PARVA: variants seen among roughly 807,000 people sequenced by gnomAD.
The protein encoded by PARVA is parvin alpha.
A neutral mutation model predicts 52.6 loss-of-function variants in PARVA; 25 were observed. The observed-to-expected ratio is 0.48, with a 90% confidence interval of 0.35 to 0.66. The LOEUF (loss-of-function observed/expected upper bound fraction) is 0.66, where lower values mean the gene tolerates loss of function less well. PARVA is among the 30% of genes least tolerant of loss of function. PARVA has a pLI of 0.01. For missense variants in PARVA, 373 were observed against 450.9 expected (o/e 0.83, Z 1.56); for synonymous variants, 185 against 179.1 (o/e 1.03, Z -0.26).
At chr11:12,478,068 A>T (rs767752264) in intron 4 of PARVA, 119 bp downstream of exon 4, 25 of 757,884 alleles carry the variant, frequency 3.3e-5, no homozygotes, top group Non-Finnish European at 5.6e-5. Context: ...TGGATTACAA[A>T]TGTGTGGAGC....
At chr11:12,500,856 C>G (rs1795449531) in intron 5 of PARVA, among the ~76,000 whole-genome samples, 2 of 151,888 alleles carry the variant, frequency 1.3e-5, no homozygotes, top group Admixed American at 1.3e-4. Context: ...CACCTGTAAT[C>G]CCAGCACTTT....
At chr11:12,518,671 T>C (rs1281582768) in intron 12 of PARVA, among the ~76,000 whole-genome samples, 154 bp downstream of exon 12, 2 of 152,200 alleles carry the variant, frequency 1.3e-5, no homozygotes, top group Non-Finnish European at 2.9e-5. Context: ...AGAGACCCTT[T>C]GTGAGCTGCC....
intron 6 of PARVA, among the ~76,000 whole-genome samples, chr11:12,505,381 C>CT (rs1941420786): frequency 6.6e-6 from 1 of 152,170 alleles, no homozygotes; most frequent in Non-Finnish European, 1.5e-5. Context: ...GACAAAAGGA[C>CT]TTTGAGTTGA....
intron 4 of PARVA, 181 bp downstream of exon 4, chr11:12,478,130 A>T: frequency 1.5e-6 from 1 of 687,938 alleles, no homozygotes; most frequent in South Asian, 1.5e-5. Context: ...AATGTTTCAT[A>T]TGAATGAATT....
chr11:12,498,133 A>T (rs1447935630), intron 5 of PARVA, among the ~76,000 whole-genome samples: 1 of 152,132 alleles, frequency 6.6e-6, no homozygotes, highest in Non-Finnish European at 1.5e-5. Flanking sequence ...TCCCAGGTTC[A>T]AGCGATTCTC....
At chr11:12,415,946 T>A (rs1002559561) in intron 1 of PARVA, among the ~76,000 whole-genome samples, 7 of 152,236 alleles carry the variant, frequency 4.6e-5, no homozygotes, top group African/African-American at 1.7e-4. Context: ...CTTCTCTACT[T>A]AGCTGTTGGC....
At position 12,377,580 on chromosome 11, in the gene PARVA, G is replaced by GCCGCCCGCTGCGT. The variant is rs1939411904; in HGVS notation, c.-61_-49dup. The GCCGCCCGCTGCGT allele has an allele frequency of 6.7e-7, 1 of 1,498,226 alleles. No homozygotes were observed. Among genetic ancestry groups the GCCGCCCGCTGCGT allele is most frequent in the East Asian group, 2.9e-5 (1 of 34,924 alleles). The allele number at this position is 1,498,226 out of a possible 1,614,324, so 92.8% of individuals were successfully genotyped here. A position where few individuals can be genotyped will look rare whatever the true frequency, so the allele number is the denominator to read the frequency against. On this transcript the variant is annotated 5_prime_UTR_variant, in exon 1 of 13. Coordinates refer to ENST00000334956, the MANE Select transcript of PARVA (RefSeq NM_018222.5). ...GGAAAGCCGCAGCCTCAGTCCCGCCGCCGCCCGCTGCGTCCGCCCAGCGCC... is the reference window on the plus strand; with the variant it reads ...GGAAAGCCGCAGCCTCAGTCCCGCCGCCGCCCGCTGCGTCCGCCCGCTGCGTCCGCCCAGCGCC...
intron 1 of PARVA, among the ~76,000 whole-genome samples, chr11:12,419,364 TATG>T (rs978874091): frequency 5.3e-5 from 8 of 151,996 alleles, no homozygotes; most frequent in Non-Finnish European, 1.2e-4. Context: ...AGTGGAATCG[TATG>T]ATATTTGCCT....
At position 12,471,191 on chromosome 11, in the gene PARVA, G is replaced by A. The variant is rs557028898; in HGVS notation, c.137-2554G>A. The stretch of plus-strand genomic sequence containing the variant: ...GTGCTGGTATGGTGGGTATGAGGGT[G>A]TTGAGAATCACAAGTTCTGTTTGGA... On this transcript the variant is annotated intron_variant, in intron 1 of 12. Coordinates refer to ENST00000334956, the MANE Select transcript of PARVA (RefSeq NM_018222.5). Among the ~76,000 whole-genome samples, 14 of 152,272 alleles carry A rather than the reference G, an allele frequency of 9.2e-5. No individual in the cohort carries two copies. The South Asian group carries it at 2.9e-3, about 32-fold the overall frequency.
upstream of PARVA, chr11:12,376,745 T>G: frequency 1.0e-6 from 1 of 983,822 alleles, no homozygotes; most frequent in Non-Finnish European, 1.2e-6. Flanking sequence ...GTAAGCTCAA[T>G]AACACGTGCC....
At chr11:12,387,458 T>C (rs1037372536) in intron 1 of PARVA, among the ~76,000 whole-genome samples, 2 of 152,176 alleles carry the variant, frequency 1.3e-5, no homozygotes, top group Admixed American at 6.5e-5. Context: ...GGGCATCTTA[T>C]TCCCATAGAG....
At chr11:12,488,043 C>A (rs1352507599) in intron 4 of PARVA, among the ~76,000 whole-genome samples, 5 of 152,052 alleles carry the variant, frequency 3.3e-5, no homozygotes. Flanking sequence ...CAGTAGATAT[C>A]AAATAACATT....
chr11:12,382,413 A>G (rs1440856448), intron 1 of PARVA, among the ~76,000 whole-genome samples: 4 of 148,934 alleles, frequency 2.7e-5, no homozygotes, highest in South Asian at 4.2e-4. Context: ...TCTAGGCTAC[A>G]TGGTTCATCT....
rs1941759320 is a variant in PARVA, at chr11:12,530,473, T to G, written c.*2548T>G. ...TTCTTTTCTGTTAATTTAAACTCAG[T>G]TATTTTTAATGCTTAATACATACAT... On this transcript the variant is annotated 3_prime_UTR_variant, in exon 13 of 13. Coordinates refer to ENST00000334956, the MANE Select transcript of PARVA (RefSeq NM_018222.5). 1 of 152,202 alleles carries G rather than the reference T, an allele frequency of 6.6e-6. No individual in the cohort carries two copies. Among genetic ancestry groups the G allele is most frequent in the African/African-American group, 2.4e-5 (1 of 41,448 alleles). The allele number at this position is 152,202 out of a possible 1,614,324, so 9.4% of individuals were successfully genotyped here.
intron 1 of PARVA, among the ~76,000 whole-genome samples, chr11:12,428,333 AAAGT>A (rs1291628482): frequency 1.3e-5 from 2 of 152,160 alleles, no homozygotes; most frequent in African/African-American, 4.8e-5. Context: ...GGAAGGAAGG[AAAGT>A]AAGAGGAAAG....
chr11:12,462,836 C>T (rs1308907836), intron 1 of PARVA, among the ~76,000 whole-genome samples: 3 of 152,112 alleles, frequency 2.0e-5, no homozygotes, highest in Non-Finnish European at 2.9e-5. Context: ...CTGTCTTCTC[C>T]TAAATTTTCT....
intron 1 of PARVA, among the ~76,000 whole-genome samples, chr11:12,440,948 TAC>T (rs1158237735): frequency 6.6e-6 from 1 of 152,248 alleles, no homozygotes; most frequent in Non-Finnish European, 1.5e-5. Context: ...TACCCATGAT[TAC>T]ATCTACATAA....
At chr11:12,482,853 G>A (rs1432704007) in intron 4 of PARVA, among the ~76,000 whole-genome samples, 2 of 152,178 alleles carry the variant, frequency 1.3e-5, no homozygotes, top group African/African-American at 2.4e-5. Flanking sequence ...CTTGACACAT[G>A]GGGATTATTA....
intron 1 of PARVA, among the ~76,000 whole-genome samples, chr11:12,472,927 G>C (rs1203781837): frequency 6.6e-6 from 1 of 152,158 alleles, no homozygotes; most frequent in Non-Finnish European, 1.5e-5. Context: ...TTTGTACTAA[G>C]GCTCCATGTG....
Sources: gnomAD v4.1 joint callset for allele counts (sites outside exome capture counted in the v4.1 genomes callset) on GRCh38, gnomAD v4.1.1 for gene constraint, MANE v1.5 for transcripts, NCBI Gene and HGNC (gene_info 2026-07-23, HGNC 2026-07-21) for gene names.